Variants in CACNA2D1 observed in about 807,000 individuals in gnomAD.
CACNA2D1 encodes the protein calcium voltage-gated channel auxiliary subunit alpha2delta 1, also known as voltage-dependent calcium channel subunit alpha-2/delta-1.
Under a neutral mutation model 171.5 loss-of-function variants are expected in CACNA2D1, and 53 were observed. The ratio of observed to expected loss-of-function variants is 0.31; its 90% CI spans 0.25 to 0.39. The LOEUF (loss-of-function observed/expected upper bound fraction) is 0.39. Among genes scored for constraint, CACNA2D1 ranks in the 10% least tolerant of loss-of-function variants. The pLI, the probability that CACNA2D1 is intolerant of heterozygous loss-of-function variation, is 1.00. For synonymous variants in CACNA2D1, 442 were observed against 443.1 expected (o/e 1.00, Z 0.03); for missense variants, 903 against 1,299.8 (o/e 0.69, Z 4.69).
chr7:82,427,022 T>C (rs751381487), intron 1 of CACNA2D1, among the ~76,000 whole-genome samples: 1 of 152,204 alleles, frequency 6.6e-6, no homozygotes, highest in East Asian at 1.9e-4. Flanking sequence ...AGGTAATGTA[T>C]ACATAGGCAA....
chr7:82,439,417 T>C (rs944317995), intron 1 of CACNA2D1, among the ~76,000 whole-genome samples: 16 of 151,934 alleles, frequency 1.1e-4, no homozygotes, highest in African/African-American at 3.9e-4. Context: ...CAGTTTGTTG[T>C]GAAGAAAACA....
chr7:82,419,325 A>T (rs957504496), intron 1 of CACNA2D1, among the ~76,000 whole-genome samples: 1 of 152,160 alleles, frequency 6.6e-6, no homozygotes, highest in African/African-American at 2.4e-5. Flanking sequence ...GTGTGTGTCC[A>T]TGTTAATTAC....
chr7:82,332,510 T>TAAAGAAAGAAAGAAAGAGAAAGAAAG (rs1554514822), intron 3 of CACNA2D1, among the ~76,000 whole-genome samples: 17 of 92,638 alleles, frequency 1.8e-4, no homozygotes, highest in South Asian at 4.0e-4. Context: ...AAAAGAAATA[T>TAAAGAAAGAAAGAAAGAGAAAGAAAG]AAAGAAAGAA....
chr7:82,236,071 G>A (rs974835400), intron 3 of CACNA2D1, among the ~76,000 whole-genome samples: 4 of 152,040 alleles, frequency 2.6e-5, no homozygotes, highest in Non-Finnish European at 5.9e-5. Context: ...ACAGAAATGA[G>A]TAGGCTAACA....
intron 12 of CACNA2D1, among the ~76,000 whole-genome samples, chr7:82,017,610 GT>G (rs56933598): frequency 2.7e-5 from 4 of 148,764 alleles, no homozygotes; most frequent in South Asian, 2.1e-4. Flanking sequence ...TTCTTCAGAT[GT>G]TTTTTTTTTA....
chr7:82,380,344 CAG>C (rs1478110046), intron 1 of CACNA2D1, among the ~76,000 whole-genome samples: 2 of 152,022 alleles, frequency 1.3e-5, no homozygotes, highest in Non-Finnish European at 2.9e-5. Context: ...TCCTTTATAC[CAG>C]AGTCTAGACA....
intron 3 of CACNA2D1, among the ~76,000 whole-genome samples, chr7:82,216,812 T>TA (rs1054710312): frequency 6.9e-6 from 1 of 145,114 alleles, no homozygotes; most frequent in Non-Finnish European, 1.5e-5. Context: ...AATTTTTTTT[T>TA]AAAAAAAGTA....
At chr7:82,197,900 C>G (rs1799013115) in intron 3 of CACNA2D1, among the ~76,000 whole-genome samples, 1 of 150,646 alleles carries the variant, frequency 6.6e-6, no homozygotes, top group Non-Finnish European at 1.5e-5. Flanking sequence ...ATATATATGA[C>G]ATTATGCACA....
At chr7:82,319,102 T>C (rs1369901272) in intron 3 of CACNA2D1, among the ~76,000 whole-genome samples, 3 of 152,194 alleles carry the variant, frequency 2.0e-5, no homozygotes, top group African/African-American at 7.2e-5. Context: ...TATAGAAGTA[T>C]GTTGAAAGGA....
intron 6 of CACNA2D1, among the ~76,000 whole-genome samples, chr7:82,092,523 C>A (rs1450698277): frequency 6.7e-6 from 1 of 148,974 alleles, no homozygotes; most frequent in East Asian, 2.0e-4. Flanking sequence ...CGGGCACCCA[C>A]CACCACGCCC....
At chr7:82,006,415 G>A (rs1384244410) in intron 16 of CACNA2D1, among the ~76,000 whole-genome samples, 1 of 152,026 alleles carries the variant, frequency 6.6e-6, no homozygotes, top group African/African-American at 2.4e-5. Context: ...AGTTTTAGGT[G>A]CAAGTAGAGG....
chr7:81,954,882 C>T (rs1184638873), intron 38 of CACNA2D1, among the ~76,000 whole-genome samples: 1 of 151,970 alleles, frequency 6.6e-6, no homozygotes, highest in African/African-American at 2.4e-5. Flanking sequence ...AATAATGCCC[C>T]TAGCAAATAA....
At chr7:81,957,587 A>G (rs1423554695) in intron 38 of CACNA2D1, among the ~76,000 whole-genome samples, 1 of 152,014 alleles carries the variant, frequency 6.6e-6, no homozygotes, top group Non-Finnish European at 1.5e-5. Context: ...TAGGAAAAGG[A>G]AAGAAAACAC....
chr7:81,964,523 A>G (rs1794496095), intron 32 of CACNA2D1, among the ~76,000 whole-genome samples, 164 bp from the exon 33 acceptor site: 1 of 152,000 alleles, frequency 6.6e-6, no homozygotes, highest in Admixed American at 6.6e-5. Context: ...GACACTGTGA[A>G]CAAACTAAAA....
intron 7 of CACNA2D1, among the ~76,000 whole-genome samples, chr7:82,079,197 T>A (rs777295119): frequency 4.6e-5 from 7 of 152,206 alleles, no homozygotes; most frequent in Admixed American, 2.0e-4. Context: ...TTCCCCTACA[T>A]CTGGGCAATA....
chr7:82,218,233 C>T (rs1004080908), intron 3 of CACNA2D1, among the ~76,000 whole-genome samples: 23 of 152,032 alleles, frequency 1.5e-4, no homozygotes, highest in African/African-American at 5.3e-4. Flanking sequence ...CGTGTCCGGC[C>T]GACTACATTA....
At chr7:82,376,091 T>C (rs1368521726) in intron 1 of CACNA2D1, among the ~76,000 whole-genome samples, 3 of 152,202 alleles carry the variant, frequency 2.0e-5, no homozygotes, top group African/African-American at 7.2e-5. Flanking sequence ...AAAAAAAATC[T>C]GCCTGGTGTC....
chr7:82,407,724 G>A (rs949611762), intron 1 of CACNA2D1, among the ~76,000 whole-genome samples: 1 of 152,074 alleles, frequency 6.6e-6, no homozygotes, highest in East Asian at 1.9e-4. Context: ...GAGTTCTCTG[G>A]ATAAGTGTTA....
At chr7:82,411,177 A>G (rs1054028131) in intron 1 of CACNA2D1, among the ~76,000 whole-genome samples, 2 of 152,346 alleles carry the variant, frequency 1.3e-5, no homozygotes, top group Admixed American at 6.5e-5. Context: ...AAGTAAGGCC[A>G]TATTTATTAT....
Sources: gnomAD v4.1 joint callset for allele counts (sites outside exome capture counted in the v4.1 genomes callset) on GRCh38, gnomAD v4.1.1 for gene constraint, MANE v1.5 for transcripts, NCBI Gene and HGNC (gene_info 2026-07-23, HGNC 2026-07-21) for gene names.